Variants in ADAM10 observed in about 807,000 individuals in gnomAD.
The protein encoded by ADAM10 is ADAM metallopeptidase domain 10, also known as disintegrin and metalloproteinase domain-containing protein 10.
ADAM10 carries 17 observed loss-of-function variants against 90.1 expected under a neutral mutation model. That is an observed-to-expected ratio of 0.19 (90% confidence interval 0.13 to 0.28). The LOEUF is 0.28. Ranked by LOEUF, ADAM10 falls within the 10% of genes least tolerant of loss-of-function variation. The pLI, the probability that ADAM10 is intolerant of heterozygous loss-of-function variation, is 1.00. For synonymous variants in ADAM10, 310 were observed against 298.6 expected, an observed-to-expected ratio of 1.04 and a Z score of -0.40; for missense variants, 610 against 914.3, an observed-to-expected ratio of 0.67 and a Z score of 4.29.
At chr15:58,715,414 CAAA>C (rs201008048) in intron 2 of ADAM10, among the ~76,000 whole-genome samples, 2 of 128,426 alleles carry the variant, frequency 1.6e-5, no homozygotes, top group Non-Finnish European at 1.7e-5. Flanking sequence ...GACTCTGTCT[CAAA>C]AAAAAAAAAA....
At chr15:58,611,238 G>A in intron 12 of ADAM10, 131 bp from the exon 13 acceptor site, 1 of 717,530 alleles carries the variant, frequency 1.4e-6, no homozygotes, top group Non-Finnish European at 2.5e-6. Flanking sequence ...AAAACAAACA[G>A]AGATGAGTAT....
At chr15:58,622,409 A>G (rs1160154977) in intron 10 of ADAM10, among the ~76,000 whole-genome samples, 1 of 152,180 alleles carries the variant, frequency 6.6e-6, no homozygotes, top group Non-Finnish European at 1.5e-5. Flanking sequence ...GCTTTTTGAC[A>G]GGTCTCTTAT....
chr15:58,606,502 C>T (rs947697440), intron 14 of ADAM10, among the ~76,000 whole-genome samples: 10 of 152,212 alleles, frequency 6.6e-5, no homozygotes, highest in African/African-American at 2.4e-4. Context: ...CAAATGTATA[C>T]TGTGTCCTCA....
At chr15:58,667,398 CTT>C (rs1368327943) in intron 4 of ADAM10, among the ~76,000 whole-genome samples, 1 of 152,114 alleles carries the variant, frequency 6.6e-6, no homozygotes, top group Non-Finnish European at 1.5e-5. Context: ...AAAATACTCA[CTT>C]TTTGCACCCT....
At chr15:58,708,945 A>G (rs1012156523) in intron 2 of ADAM10, among the ~76,000 whole-genome samples, 39 of 152,222 alleles carry the variant, frequency 2.6e-4, no homozygotes, top group African/African-American at 8.4e-4. Flanking sequence ...TAACTGAAGA[A>G]TAAGTATTCA....
At chr15:58,702,228 T>C (rs547801527) in intron 2 of ADAM10, among the ~76,000 whole-genome samples, 3 of 152,144 alleles carry the variant, frequency 2.0e-5, no homozygotes, top group Non-Finnish European at 2.9e-5. Flanking sequence ...CTCACTCTTA[T>C]GGGTGAGATT....
At chr15:58,646,276 T>A (rs1462937654) in intron 5 of ADAM10, 72 bp from the exon 6 acceptor site, 10 of 1,433,872 alleles carry the variant, frequency 7.0e-6, no homozygotes, top group Non-Finnish European at 9.6e-6. Flanking sequence ...TAAGAATACA[T>A]ACTATAAACA....
At chr15:58,719,490 A>C (rs1898772923) in intron 1 of ADAM10, among the ~76,000 whole-genome samples, 1 of 89,648 alleles carries the variant, frequency 1.1e-5, no homozygotes, top group South Asian at 3.0e-4. Context: ...CTCTTTTATA[A>C]AACAAGTTGT....
chr15:58,691,653 C>T, intron 2 of ADAM10: 1 of 371,400 alleles, frequency 2.7e-6, no homozygotes, highest in South Asian at 2.1e-5. Context: ...CCCAGAGAAG[C>T]TAAGCTCAAG....
intron 8 of ADAM10, among the ~76,000 whole-genome samples, chr15:58,638,174 A>G (rs1456030675): frequency 6.6e-6 from 1 of 152,078 alleles, no homozygotes; most frequent in Non-Finnish European, 1.5e-5. Flanking sequence ...GGTTTAACAT[A>G]GAGTAATGGA....
chr15:58,673,827 C>T (rs796792717), intron 4 of ADAM10, among the ~76,000 whole-genome samples: 60 of 151,964 alleles, frequency 3.9e-4, no homozygotes, highest in African/African-American at 1.3e-3. Flanking sequence ...CTCCGACTCC[C>T]GGGTTCACGC....
At position 58,611,962 on chromosome 15, in the gene ADAM10, T is replaced by C; in HGVS notation, c.1541A>G (p.Gln514Arg). The change falls in exon 12 of 16, where the codon CAG (glutamine) becomes CGG (arginine). Residue 514 changes from glutamine to arginine, a missense_variant. Coordinates refer to ENST00000260408, the MANE Select transcript of ADAM10 (RefSeq NM_001110.4). ...CTCAGACTTTGACTTGAATGCACAC[T>C]GTGCTGTACAACAAGGACCTTGACT... The part of the protein sequence containing the change: ...SPSQGPCCTA[Q>R]CAFKSKSEKC... 6.2e-7 allele frequency: 1 copy of C among 1,614,190 alleles called. No homozygotes were observed. Among genetic ancestry groups the C allele is most frequent in the Non-Finnish European group, 8.5e-7 (1 of 1,180,030 alleles).
intron 5 of ADAM10, among the ~76,000 whole-genome samples, chr15:58,655,900 C>A (rs1162306078): frequency 6.6e-6 from 1 of 150,490 alleles, no homozygotes; most frequent in African/African-American, 2.4e-5. Context: ...ATGCCCACCA[C>A]CACACCCAGC....
intron 2 of ADAM10, 92 bp from the exon 3 acceptor site, chr15:58,682,406 T>A: frequency 6.6e-7 from 1 of 1,505,484 alleles, no homozygotes; most frequent in Non-Finnish European, 8.9e-7. Context: ...CTACAAAATG[T>A]GGACTGTTAT....
rs757367702 is a variant in ADAM10 at position 58,621,529 on chromosome 15, A to T, written c.1453T>A (p.Phe485Ile). Residue 485 changes from phenylalanine to isoleucine, a missense_variant, in exon 11 of 16, where the codon TTC becomes ATC. Phe to Ile is a conservative substitution (Grantham distance 21, BLOSUM62 0). Around this residue, in one of 4 missense-constraint regions of ADAM10, gnomAD observed 53 missense variants for 62.0 expected, o/e 0.85. Transcript: ENST00000260408. ...YSDQCKDECC[F>I]DANQPEGRKC... The stretch of plus-strand genomic sequence containing the variant: ...CTTCCCTCTGGTTGATTTGCATCGA[A>T]GCAGCATTCATCTTTACACTGGTCA... The T allele has an allele frequency of 1.2e-6, 2 of 1,614,150 alleles. No homozygotes were observed. Among genetic ancestry groups the T allele is most frequent in the Non-Finnish European group, 1.7e-6 (2 of 1,180,014 alleles).
At chr15:58,665,936 A>G (rs1897072629) in intron 4 of ADAM10, among the ~76,000 whole-genome samples, 1 of 151,748 alleles carries the variant, frequency 6.6e-6, no homozygotes, top group African/African-American at 2.4e-5. Context: ...CACTACACTC[A>G]GTTCTTTTCT....
rs201964336 is a variant in ADAM10 at position 58,632,120 on chromosome 15, CTTT to C, written c.1176+1073_1176+1075del. On this transcript the variant is annotated intron_variant, in intron 9 of 15. Transcript: ENST00000260408. ...CAAGTGTACATTTTCAAAATGTTAT[CTTT>C]AATAAGCTCTACCAAAATCACAAAG... Among the ~76,000 whole-genome samples the C allele has an allele frequency of 3.3e-3, 503 of 152,060 alleles. 4 individuals carry two copies. Among genetic ancestry groups the C allele is most frequent in the African/African-American group, 0.012 (482 of 41,440 alleles).
chr15:58,655,667 TACATACATAC>T (rs1896790024), intron 5 of ADAM10, among the ~76,000 whole-genome samples: 2 of 119,174 alleles, frequency 1.7e-5, no homozygotes, highest in African/African-American at 6.8e-5. Flanking sequence ...CATACATACA[TACATACATAC>T]ATATATATAT....
intron 10 of ADAM10, 150 bp from the exon 11 acceptor site, chr15:58,621,771 C>G: frequency 1.0e-6 from 1 of 987,788 alleles, no homozygotes; most frequent in East Asian, 2.6e-5. Flanking sequence ...AATTACGAGA[C>G]CTAATTCTAA....
Sources: allele counts gnomAD v4.1 joint callset (sites outside exome capture counted in the v4.1 genomes callset), GRCh38; gene constraint gnomAD v4.1.1; regional missense constraint gnomAD v4.1.1; transcripts MANE v1.5; gene names NCBI Gene and HGNC (gene_info 2026-07-23, HGNC 2026-07-21).